The following CFAP57 variants were observed in gnomAD, a reference collection of about 807,000 sequenced individuals.
CFAP57 encodes the protein cilia- and flagella-associated protein 57.
CFAP57 carries 116 observed loss-of-function variants against 146.8 expected under a neutral mutation model. That is an observed-to-expected ratio of 0.79 (90% CI 0.68 to 0.92). The LOEUF is 0.92. Among genes scored for constraint, CFAP57 ranks in the 40% least tolerant of loss-of-function variants. The pLI, the probability that CFAP57 is intolerant of heterozygous loss-of-function variation, is 0.00. For synonymous variants in CFAP57, 518 were observed against 552.8 expected, an observed-to-expected ratio of 0.94 and a Z score of 0.88; for missense variants, 1,377 against 1,527.2, an observed-to-expected ratio of 0.90 and a Z score of 1.64.
At chr1:43,197,817 A>G in intron 7 of CFAP57, 125 bp downstream of exon 7, 1 of 1,390,866 alleles carries the variant, frequency 7.2e-7, no homozygotes, top group South Asian at 1.3e-5. Context: ...AAAGATTTTT[A>G]AAAAATCAAG....
chr1:43,223,069 ACCGGCCTGGGGGTG>A (rs1355948189), intron 16 of CFAP57, 72 bp downstream of exon 16: 2 of 1,467,986 alleles, frequency 1.4e-6, no homozygotes, highest in African/African-American at 2.8e-5. Flanking sequence ...GGGTGGACTG[ACCGGCCTGGGGGTG>A]CTGGCCAGGG....
At chr1:43,187,010 T>C in intron 6 of CFAP57, 151 bp downstream of exon 6, 1 of 916,562 alleles carries the variant, frequency 1.1e-6, no homozygotes, top group Non-Finnish European at 1.7e-6. Flanking sequence ...AATTTTAAGA[T>C]ATTCACATAG....
intron 9 of CFAP57, among the ~76,000 whole-genome samples, chr1:43,205,445 T>G (rs1426281638): frequency 6.6e-6 from 1 of 152,224 alleles, no homozygotes; most frequent in Non-Finnish European, 1.5e-5. Context: ...ACATCCTCAC[T>G]TCTGTGAGTG....
intron 22 of CFAP57, among the ~76,000 whole-genome samples, chr1:43,245,960 A>G (rs1271862051): frequency 6.6e-6 from 1 of 152,390 alleles, no homozygotes; most frequent in African/African-American, 2.4e-5. Context: ...TGCATTTACA[A>G]TTGCATCAAA....
chr1:43,188,124 C>G (rs1643270873), intron 6 of CFAP57, among the ~76,000 whole-genome samples: 1 of 152,124 alleles, frequency 6.6e-6, no homozygotes, highest in Non-Finnish European at 1.5e-5. Flanking sequence ...CAATGTTCAT[C>G]CATGTTGTAG....
intron 22 of CFAP57, among the ~76,000 whole-genome samples, chr1:43,243,816 CAA>C (rs932830453): frequency 6.6e-6 from 1 of 151,932 alleles, no homozygotes; most frequent in Non-Finnish European, 1.5e-5. Context: ...AAAATGAAGA[CAA>C]AAAGCAAGAT....
chr1:43,246,188 A>G (rs146179428), intron 22 of CFAP57, among the ~76,000 whole-genome samples: 10 of 152,362 alleles, frequency 6.6e-5, no homozygotes, highest in Non-Finnish European at 1.5e-4. Flanking sequence ...CAAAATTCAT[A>G]TGGAATATCA....
Position 43,234,541 on chromosome 1 carries a change from G to A in CFAP57, c.3308G>A (p.Arg1103Gln), listed in dbSNP as rs147144310. 64 of 1,550,392 alleles carry A rather than the reference G, an allele frequency of 4.1e-5. No individual in the cohort carries two copies. The highest frequency in any genetic ancestry group is 3.6e-4 in the African/African-American group (26 of 73,124). Residue 1103 changes from arginine (R) to glutamine (Q), a missense_variant, in exon 21 of 23, where the codon CGG becomes CAG. Arg to Gln is a conservative substitution (Grantham distance 43). Coordinates refer to ENST00000372492, the MANE Select transcript of CFAP57 (RefSeq NM_001378189.1). ...ACAGACCTGCAGCAGGAGTACACCCGGCAGCGGGAGCACCTGGAGAGGAAC... is the reference window on the plus strand; with the variant it reads ...ACAGACCTGCAGCAGGAGTACACCCAGCAGCGGGAGCACCTGGAGAGGAAC... ...LNTDLQQEYT[R>Q]QREHLERNLA...
intron 22 of CFAP57, among the ~76,000 whole-genome samples, chr1:43,245,443 C>T (rs889240403): frequency 2.6e-5 from 4 of 152,094 alleles, no homozygotes; most frequent in Non-Finnish European, 5.9e-5. Context: ...TTGGAGATTT[C>T]CAGACATATA....
At chr1:43,219,345 T>C in intron 12 of CFAP57, 37 bp from the exon 13 acceptor site, 1 of 1,534,996 alleles carries the variant, frequency 6.5e-7, no homozygotes, top group Non-Finnish European at 8.8e-7. Flanking sequence ...TCACCCTTAC[T>C]GTCAGTGTTC....
Position 43,181,540 on chromosome 1 carries a change from A to T in CFAP57, c.164A>T (p.Glu55Val). ...QKWQKFIPGS[E>V]KSQGMLALSI... is the part of the protein sequence containing the mutation. ...CTTTTTCCTCTGTTTGCAGGCTCAG[A>T]GAAGAGTCAGGGCATGTTGGCCTTG... is the stretch of plus-strand genomic sequence containing the variant. Residue 55 changes from glutamate (E) to valine (V), a missense_variant, in exon 3 of 23, where the codon GAG becomes GTG. By Grantham distance (121) the Glu-to-Val change is moderately radical. Coordinates refer to ENST00000372492, the MANE Select transcript of CFAP57 (RefSeq NM_001378189.1). 6.2e-7 allele frequency: 1 copy of T among 1,614,178 alleles called. No homozygotes were observed. Among genetic ancestry groups the T allele is most frequent in the Non-Finnish European group, 8.5e-7 (1 of 1,180,034 alleles).
At chr1:43,246,472 C>A (rs1348811294) in intron 22 of CFAP57, among the ~76,000 whole-genome samples, 1 of 152,072 alleles carries the variant, frequency 6.6e-6, no homozygotes, top group African/African-American at 2.4e-5. Context: ...TGGATATACA[C>A]ATACAAAAGA....
intron 22 of CFAP57, 49 bp from the exon 23 acceptor site, chr1:43,253,928 T>C (rs1646380574): frequency 1.3e-6 from 2 of 1,506,132 alleles, no homozygotes; most frequent in African/African-American, 2.8e-5. Flanking sequence ...GGATCGGCTC[T>C]GCAGCAGTGC....
intron 21 of CFAP57, among the ~76,000 whole-genome samples, chr1:43,240,859 C>T (rs1376582085): frequency 1.3e-5 from 2 of 152,074 alleles, no homozygotes; most frequent in Admixed American, 6.6e-5. Flanking sequence ...GAGAAGGGGC[C>T]GGTCTCGCTC....
At chr1:43,232,046 C>T (rs1645493203) in intron 18 of CFAP57, 1 of 700,014 alleles carries the variant, frequency 1.4e-6, no homozygotes, top group African/African-American at 1.7e-5. Context: ...ATGTTGGTCC[C>T]TCCAAACTTT....
chr1:43,218,929 G>T (rs1180520774), intron 12 of CFAP57, among the ~76,000 whole-genome samples: 1 of 152,048 alleles, frequency 6.6e-6, no homozygotes, highest in African/African-American at 2.4e-5. Context: ...CAAAGATTCT[G>T]GTCTATGTGG....
chr1:43,177,221 A>G (rs1049926723), intron 2 of CFAP57: 4 of 456,228 alleles, frequency 8.8e-6, no homozygotes, highest in Admixed American at 2.3e-5. Flanking sequence ...GGTGAGAGAT[A>G]ATGGCACTTG....
Position 43,183,596 on chromosome 1 carries a change from C to T in CFAP57, c.480C>T (p.Ser160=), listed in dbSNP as rs1352574524. 6.2e-7 allele frequency: 1 copy of T among 1,614,076 alleles called. No individual in the cohort carries two copies. The highest frequency in any genetic ancestry group is 8.5e-7 in the Non-Finnish European group (1 of 1,179,952). The change falls in exon 4 of 23, where the codon AGC becomes AGT. Residue 160 remains serine (S), a synonymous_variant. Transcript: ENST00000372492. ...DTQNNPVYQV[S]FSPQDNTQVC... Reference sequence around the variant, plus strand: ...AATTCTCTCACATTTTACAGGTGAGCTTCAGTCCACAGGATAACACTCAGG... The same window carrying T: ...AATTCTCTCACATTTTACAGGTGAGTTTCAGTCCACAGGATAACACTCAGG...
intron 10 of CFAP57, 100 bp downstream of exon 10, chr1:43,207,032 C>T: frequency 2.6e-6 from 3 of 1,160,892 alleles, no homozygotes; most frequent in Non-Finnish European, 3.8e-6. Context: ...AGGGCCTCTG[C>T]ATACAGGGCC....
Sources: allele counts gnomAD v4.1 joint callset (sites outside exome capture counted in the v4.1 genomes callset), GRCh38; gene constraint gnomAD v4.1.1; transcripts MANE v1.5; gene names NCBI Gene and HGNC (gene_info 2026-07-23, HGNC 2026-07-21).